Variants in KIF26B observed in about 807,000 individuals in gnomAD.
KIF26B encodes kinesin family member 26B, also known as kinesin-like protein KIF26B.
KIF26B carries 63 observed loss-of-function variants against 151.2 expected under a neutral mutation model. That is an observed-to-expected ratio of 0.42 (90% CI 0.34 to 0.51). The LOEUF (loss-of-function observed/expected upper bound fraction) is 0.51, where lower values mean the gene tolerates loss of function less well. Among genes scored for constraint, KIF26B ranks in the 20% least tolerant of loss-of-function variants. The pLI is 0.07. For synonymous variants in KIF26B, 1,357 were observed against 1,262.1 expected (o/e 1.08, Z -1.59); for missense variants, 2,813 against 2,913.6 (o/e 0.97, Z 0.79).
intron 2 of KIF26B, among the ~76,000 whole-genome samples, chr1:245,362,141 C>T (rs1558403079): frequency 6.6e-6 from 1 of 151,442 alleles, no homozygotes; most frequent in Non-Finnish European, 1.5e-5. Flanking sequence ...GAGAATGACC[C>T]TCTGTGTCTC....
chr1:245,379,343 C>G (rs1673348479), intron 3 of KIF26B, among the ~76,000 whole-genome samples: 1 of 152,164 alleles, frequency 6.6e-6, no homozygotes, highest in African/African-American at 2.4e-5. Context: ...GGAGGGAAAG[C>G]AGCAAATAGA....
At chr1:245,210,626 T>C (rs2103543367) in intron 2 of KIF26B, among the ~76,000 whole-genome samples, 1 of 148,918 alleles carries the variant, frequency 6.7e-6, no homozygotes, top group South Asian at 2.1e-4. Flanking sequence ...TTAATGCAAA[T>C]AAAAGAATTG....
Position 245,366,837 on chromosome 1 carries a change from C to A in KIF26B, c.469C>A (p.Pro157Thr). The A allele has an allele frequency of 1.2e-6, 2 of 1,613,758 alleles. No individual in the cohort carries two copies. The highest frequency in any genetic ancestry group is 1.7e-6 in the Non-Finnish European group (2 of 1,179,742). The stretch of plus-strand genomic sequence containing the variant: ...CCTCTGCTTCTGTGTTCTGTAGGAC[C>A]CTGCTTTCTCGGCTGTGATTCACGA... The part of the protein sequence containing the change: ...LLPGPFPGKD[P>T]AFSAVIHDKL... Residue 157 changes from proline to threonine, a missense_variant, in exon 3 of 15, where the codon CCT becomes ACT. Coordinates refer to ENST00000407071, the MANE Select transcript of KIF26B (RefSeq NM_018012.4).
At chr1:245,172,995 T>C (rs1211330518) in intron 2 of KIF26B, among the ~76,000 whole-genome samples, 2 of 152,180 alleles carry the variant, frequency 1.3e-5, no homozygotes, top group African/African-American at 4.8e-5. Flanking sequence ...ATGTAGAAGC[T>C]ACCCAAGTGT....
chr1:245,645,603 T>G (rs543887525), intron 9 of KIF26B, among the ~76,000 whole-genome samples: 2 of 152,334 alleles, frequency 1.3e-5, no homozygotes, highest in South Asian at 4.1e-4. Context: ...AGCAAATATT[T>G]GGGTCTTCCC....
In KIF26B at chr1:245,390,439, G is replaced by A. The variant is rs565148344; in HGVS notation, c.999+23072G>A. Among the ~76,000 whole-genome samples, 15 of 152,122 alleles carry A rather than the reference G, an allele frequency of 9.9e-5. No individual in the cohort carries two copies. In the South Asian group the frequency reaches 2.7e-3, roughly 27 times the overall value. ...TCACCATGTTGGCCAGGATGGTCTC[G>A]TGATCCACTGGCCTCAGCCTCCCAA... On this transcript the variant is annotated intron_variant, in intron 3 of 14. Transcript: ENST00000407071.
rs573301307 is a variant in KIF26B at position 245,166,568 on chromosome 1, G to C, written c.465+9885G>C. On this transcript the variant is annotated intron_variant, in intron 2 of 14. Coordinates refer to ENST00000407071, the MANE Select transcript of KIF26B (RefSeq NM_018012.4). This position sits in a 1 kb window ranked among gnomAD's most constrained non-coding sequence, Gnocchi z 4.5. ...GCCCCTCTCGTAGCCCCTCCAGGGA[G>C]ACTTGCAGATGTGGCATTTGGCATT... Among the ~76,000 whole-genome samples, 2 of 152,202 alleles carry C rather than the reference G, an allele frequency of 1.3e-5. No individual in the cohort carries two copies. The highest frequency in any genetic ancestry group is 2.4e-5 in the African/African-American group (1 of 41,448).
At chr1:245,443,609 G>T (rs550487218) in intron 4 of KIF26B, among the ~76,000 whole-genome samples, 3 of 107,098 alleles carry the variant, frequency 2.8e-5, no homozygotes, top group African/African-American at 9.2e-5. Flanking sequence ...ACCTAGAGCG[G>T]TCATCTCCCT....
chr1:245,155,564 GCGGCCC>G, intron 1 of KIF26B, 77 bp downstream of exon 1: 1 of 1,314,574 alleles, frequency 7.6e-7, no homozygotes, highest in Non-Finnish European at 1.1e-6. Flanking sequence ...CCGGGATCGT[GCGGCCC>G]CGGCCCCGAG....
chr1:245,210,407 T>G (rs1462419428), intron 2 of KIF26B, among the ~76,000 whole-genome samples: 2 of 152,094 alleles, frequency 1.3e-5, no homozygotes, highest in African/African-American at 4.8e-5. Context: ...ATTTTTCACT[T>G]TAATATCCTA....
intron 4 of KIF26B, among the ~76,000 whole-genome samples, chr1:245,444,247 G>A (rs1008544713): frequency 4.0e-5 from 6 of 151,706 alleles, no homozygotes; most frequent in East Asian, 1.9e-4. Context: ...GATGGTTGCC[G>A]TGGGGAGGAG....
At chr1:245,284,761 G>A (rs900102757) in intron 2 of KIF26B, among the ~76,000 whole-genome samples, 2 of 152,202 alleles carry the variant, frequency 1.3e-5, no homozygotes, top group Non-Finnish European at 1.5e-5. Flanking sequence ...TAATTTGGCC[G>A]GGCGCAGTGG....
intron 5 of KIF26B, among the ~76,000 whole-genome samples, chr1:245,582,236 G>A (rs1389041287): frequency 6.6e-6 from 1 of 152,210 alleles, no homozygotes; most frequent in Admixed American, 6.5e-5. Flanking sequence ...TGCCCGTCAA[G>A]GGGGTCATTG....
chr1:245,277,951 C>T (rs562937633), intron 2 of KIF26B, among the ~76,000 whole-genome samples: 1 of 152,208 alleles, frequency 6.6e-6, no homozygotes, highest in Non-Finnish European at 1.5e-5. Context: ...ATAATTTCGT[C>T]ATAGGCTGGT....
intron 3 of KIF26B, among the ~76,000 whole-genome samples, chr1:245,407,714 A>G (rs1211749555): frequency 6.6e-6 from 1 of 152,244 alleles, no homozygotes; most frequent in African/African-American, 2.4e-5. Flanking sequence ...TCCTATTTGT[A>G]TACATCTGTT....
intron 10 of KIF26B, among the ~76,000 whole-genome samples, chr1:245,648,976 A>G (rs2043983110): frequency 6.6e-6 from 1 of 152,028 alleles, no homozygotes; most frequent in South Asian, 2.1e-4. Flanking sequence ...TGCCCTGCCT[A>G]ACACAACTCA....
rs1660485599 is a variant in KIF26B, at chr1:245,495,040, AAAAGAAAAGAAAT to A, written c.1167-45714_1167-45702del. Reference sequence around the variant, plus strand: ...GATCCTGTCTCACAAAAGAGAAAAGAAAAGAAAAGAAATAAAGAAAAGAAAAGAAAGAGGAAAT... The same window carrying A: ...GATCCTGTCTCACAAAAGAGAAAAGAAAAGAAAAGAAAAGAAAGAGGAAAT... On this transcript the variant is annotated intron_variant, in intron 4 of 14. Transcript: ENST00000407071. This position sits in a 1 kb window ranked among gnomAD's most constrained non-coding sequence, Gnocchi z 4.2. Among the ~76,000 whole-genome samples, 1 of 152,188 alleles carries A rather than the reference AAAAGAAAAGAAAT, an allele frequency of 6.6e-6. No homozygotes were observed. Among genetic ancestry groups the A allele is most frequent in the South Asian group, 2.1e-4 (1 of 4,830 alleles).
At chr1:245,527,858 A>C (rs60513095) in intron 4 of KIF26B, among the ~76,000 whole-genome samples, 15,017 of 151,996 alleles carry the variant, frequency 0.099, 1,246 homozygotes, top group East Asian at 0.47. Context: ...ATGCATGTTT[A>C]AATGGATCTG....
At chr1:245,266,691 G>A (rs1216268996) in intron 2 of KIF26B, among the ~76,000 whole-genome samples, 1 of 152,076 alleles carries the variant, frequency 6.6e-6, no homozygotes, top group Non-Finnish European at 1.5e-5. Flanking sequence ...ATTTTTAGTA[G>A]GGACGGGGTT....
Sources: gnomAD v4.1 joint callset for allele counts (sites outside exome capture counted in the v4.1 genomes callset) on GRCh38, gnomAD v4.1.1 for gene constraint, Gnocchi (gnomAD v3.1) non-coding constraint, MANE v1.5 for transcripts, NCBI Gene and HGNC (gene_info 2026-07-23, HGNC 2026-07-21) for gene names.